Variants in MAGI2 observed in about 807,000 individuals in gnomAD.
MAGI2 encodes the protein membrane-associated guanylate kinase, WW and PDZ domain-containing protein 2.
In MAGI2, 35 loss-of-function variants were observed where a neutral mutation model predicts 133.3. The ratio of observed to expected loss-of-function variants is 0.26; its 90% confidence interval spans 0.20 to 0.35. The LOEUF is 0.35. Among genes scored for constraint, MAGI2 ranks in the 10% least tolerant of loss-of-function variants. The probability of loss-of-function intolerance (pLI) is 1.00; values close to 1 mark genes in which losing one functional copy is unlikely to be tolerated. For missense variants in MAGI2, 1,636 were observed against 1,863.4 expected (o/e 0.88, Z 2.25); for synonymous variants, 729 against 710.6 (o/e 1.03, Z -0.41).
At chr7:78,592,474 T>C (rs1804114970) in intron 3 of MAGI2, among the ~76,000 whole-genome samples, 1 of 151,824 alleles carries the variant, frequency 6.6e-6, no homozygotes, top group South Asian at 2.1e-4. Flanking sequence ...AGCAAGGGGA[T>C]AGAAGGCCCT....
intron 3 of MAGI2, among the ~76,000 whole-genome samples, chr7:78,559,022 G>A (rs2150731322): frequency 6.6e-6 from 1 of 150,530 alleles, no homozygotes; most frequent in South Asian, 2.1e-4. Flanking sequence ...AAAATGTACA[G>A]TGTTCTCTGG....
intron 6 of MAGI2, among the ~76,000 whole-genome samples, chr7:78,451,973 T>C (rs1156293769): frequency 6.6e-6 from 1 of 152,134 alleles, no homozygotes; most frequent in Non-Finnish European, 1.5e-5. Context: ...TCACACGATC[T>C]TGACTTCAAG....
intron 2 of MAGI2, among the ~76,000 whole-genome samples, chr7:78,819,286 T>C (rs1164503523): frequency 1.3e-5 from 2 of 152,120 alleles, no homozygotes; most frequent in South Asian, 2.1e-4. Flanking sequence ...GAAGCATCTC[T>C]TGTTTTTATG....
At chr7:79,122,911 T>C (rs1051973914) in intron 1 of MAGI2, among the ~76,000 whole-genome samples, 14 of 152,222 alleles carry the variant, frequency 9.2e-5, no homozygotes, top group African/African-American at 3.4e-4. Context: ...AGGCTGGTTT[T>C]GAACTCCTGA....
At chr7:78,429,668 A>G (rs1799607544) in intron 6 of MAGI2, among the ~76,000 whole-genome samples, 1 of 152,142 alleles carries the variant, frequency 6.6e-6, no homozygotes, top group Admixed American at 6.6e-5. Flanking sequence ...GAAAGGCACA[A>G]AAAAGAAGGC....
chr7:78,524,545 CT>C (rs1407120844), intron 3 of MAGI2, among the ~76,000 whole-genome samples: 1 of 152,104 alleles, frequency 6.6e-6, no homozygotes, highest in Non-Finnish European at 1.5e-5. Flanking sequence ...TAAAGTGGTT[CT>C]TATCCACATA....
At position 78,019,146 on chromosome 7, in the gene MAGI2, G is replaced by T. The variant is rs1031365691; in HGVS notation, c.*169C>A. 6.6e-6 allele frequency: 5 copies of T among 757,094 alleles called. No homozygotes were observed. The highest frequency in any genetic ancestry group is 1.0e-5 in the Non-Finnish European group (5 of 484,086). The allele number at this position is 757,094 out of a possible 1,614,324, so 46.9% of individuals were successfully genotyped here. The stretch of plus-strand genomic sequence containing the variant: ...TCAGTTTAGGTCTGCGCGTTGATGC[G>T]ATGCCGCCCAAGCACACCGGACACG... On this transcript the variant is annotated 3_prime_UTR_variant, in exon 22 of 22. Transcript: ENST00000354212.
At chr7:78,381,090 T>C (rs966263822) in intron 6 of MAGI2, among the ~76,000 whole-genome samples, 24 of 152,268 alleles carry the variant, frequency 1.6e-4, no homozygotes, top group African/African-American at 5.8e-4. Context: ...CTCACACCTG[T>C]AATCTCAGCA....
chr7:78,141,331 A>G (rs553283455), intron 16 of MAGI2, among the ~76,000 whole-genome samples: 66 of 152,166 alleles, frequency 4.3e-4, no homozygotes, highest in Non-Finnish European at 7.9e-4. Flanking sequence ...TAGAAACCAG[A>G]GCATAATATT....
At chr7:78,773,802 C>T (rs1341570811) in intron 2 of MAGI2, among the ~76,000 whole-genome samples, 2 of 152,186 alleles carry the variant, frequency 1.3e-5, no homozygotes, top group East Asian at 3.9e-4. Context: ...CTTAAATGTT[C>T]TGCCAAGGAA....
At chr7:78,290,043 C>A (rs191409758) in intron 9 of MAGI2, among the ~76,000 whole-genome samples, 2 of 152,162 alleles carry the variant, frequency 1.3e-5, no homozygotes, top group Admixed American at 6.5e-5. Flanking sequence ...GAAACTGCAT[C>A]AACAAACGGG....
chr7:79,075,733 C>G (rs1007715005), intron 1 of MAGI2, among the ~76,000 whole-genome samples: 1 of 152,046 alleles, frequency 6.6e-6, no homozygotes, highest in Non-Finnish European at 1.5e-5. Flanking sequence ...CACTGCACTC[C>G]AGCCTTGGTG....
At chr7:78,505,507 A>G (rs1260181182) in intron 4 of MAGI2, among the ~76,000 whole-genome samples, 1 of 152,176 alleles carries the variant, frequency 6.6e-6, no homozygotes, top group Non-Finnish European at 1.5e-5. Flanking sequence ...ACATGTAATT[A>G]TACATACTGT....
At chr7:78,750,317 T>C (rs1172160596) in intron 2 of MAGI2, among the ~76,000 whole-genome samples, 1 of 152,202 alleles carries the variant, frequency 6.6e-6, no homozygotes, top group African/African-American at 2.4e-5. Context: ...GTCTTTGCTA[T>C]TGTGAACAGT....
chr7:79,179,100 T>C lies in MAGI2; in HGVS notation c.302-171894A>G, dbSNP rs1246491519. Among the ~76,000 whole-genome samples, 5 of 151,998 alleles carry C rather than the reference T, an allele frequency of 3.3e-5. No homozygotes were observed. In the South Asian group the frequency reaches 6.2e-4, roughly 19 times the overall value. On this transcript the variant is annotated intron_variant, in intron 1 of 21. Coordinates refer to ENST00000354212, the MANE Select transcript of MAGI2 (RefSeq NM_012301.4). ...CATCATGGTATAGTCATCTGATGCATAGTAACATTTCAGTAAAAAATGCAC... is the reference window on the plus strand; with the variant it reads ...CATCATGGTATAGTCATCTGATGCACAGTAACATTTCAGTAAAAAATGCAC...
chr7:78,860,172 C>T (rs180701491), intron 2 of MAGI2, among the ~76,000 whole-genome samples: 8 of 152,262 alleles, frequency 5.3e-5, no homozygotes, highest in Admixed American at 3.9e-4. Flanking sequence ...AGCTTCTTTG[C>T]TATGGGTTCA....
At chr7:79,260,468 A>G (rs1031671031) in intron 1 of MAGI2, among the ~76,000 whole-genome samples, 3 of 152,186 alleles carry the variant, frequency 2.0e-5, no homozygotes, top group Non-Finnish European at 2.9e-5. Context: ...GGTTAGAGCT[A>G]TAAGAAGATA....
chr7:79,019,152 A>T (rs1809032613), intron 1 of MAGI2, among the ~76,000 whole-genome samples: 1 of 152,100 alleles, frequency 6.6e-6, no homozygotes, highest in Admixed American at 6.5e-5. Flanking sequence ...ATAAAACAAC[A>T]CTCAGCAAAT....
intron 18 of MAGI2, among the ~76,000 whole-genome samples, chr7:78,129,935 C>CAAAAA (rs61675652): frequency 1.1e-3 from 64 of 57,108 alleles, no homozygotes; most frequent in East Asian, 2.7e-3. Flanking sequence ...AACTCCGCCT[C>CAAAAA]AAAAAAAAAA....
Sources: gnomAD v4.1 joint callset for allele counts (sites outside exome capture counted in the v4.1 genomes callset) on GRCh38, gnomAD v4.1.1 for gene constraint, MANE v1.5 for transcripts, NCBI Gene and HGNC (gene_info 2026-07-23, HGNC 2026-07-21) for gene names.